Variants in CSMD3 observed in about 807,000 individuals in gnomAD.
CSMD3 encodes CUB and sushi domain-containing protein 3.
CSMD3 carries 177 observed loss-of-function variants against 435.2 expected under a neutral mutation model. The ratio of observed to expected loss-of-function variants is 0.41; its 90% confidence interval spans 0.36 to 0.46. CSMD3 has a LOEUF of 0.46. Ranked by LOEUF, CSMD3 falls within the 20% of genes least tolerant of loss-of-function variation. The pLI, the probability that CSMD3 is intolerant of heterozygous loss-of-function variation, is 0.34. For missense variants in CSMD3, 4,265 were observed against 4,504.6 expected (o/e 0.95, Z 1.52); for synonymous variants, 1,656 against 1,520.5 (o/e 1.09, Z -2.07).
intron 3 of CSMD3, among the ~76,000 whole-genome samples, chr8:113,261,638 T>A (rs1167739778): frequency 6.6e-6 from 1 of 152,094 alleles, no homozygotes; most frequent in African/African-American, 2.4e-5. Context: ...GGCAACATTG[T>A]GATTTCTGGG....
intron 10 of CSMD3, among the ~76,000 whole-genome samples, chr8:112,883,353 A>G (rs950433850): frequency 6.6e-6 from 1 of 152,024 alleles, no homozygotes; most frequent in African/African-American, 2.4e-5. Flanking sequence ...TGAAATTAAA[A>G]TAAGTAGGTT....
In CSMD3 at chr8:113,314,673, C is replaced by T. The variant is rs759210105; in HGVS notation, c.299G>A (p.Arg100Gln). Residue 100 changes from arginine (R) to glutamine (Q), a missense_variant, in exon 2 of 71, where the codon CGA (arginine) becomes CAA (glutamine). By Grantham distance (43) the Arg-to-Gln change is conservative (BLOSUM62 1). Around this residue, in one of 3 missense-constraint regions of CSMD3, gnomAD observed 731 missense variants for 755.4 expected, o/e 0.97. Coordinates refer to ENST00000297405, the MANE Select transcript of CSMD3 (RefSeq NM_198123.2). ...CTGAAAAACAATTTGTATTCTATTT[C>T]GTTCTTCTGCTATTATTACCCATGT... is the stretch of plus-strand genomic sequence containing the variant. The part of the protein sequence containing the change: ...NCTWVIIAEE[R>Q]NRIQIVFQSF... The T allele has an allele frequency of 1.2e-5, 19 of 1,610,952 alleles. No individual in the cohort carries two copies. Among genetic ancestry groups the T allele is most frequent in the Middle Eastern group, 1.7e-4 (1 of 6,044 alleles).
chr8:113,042,760 A>G (rs2087676421), intron 5 of CSMD3, among the ~76,000 whole-genome samples: 2 of 152,192 alleles, frequency 1.3e-5, no homozygotes, highest in Admixed American at 1.3e-4. Flanking sequence ...CTTTGGTTGC[A>G]TATAAAAGAA....
chr8:113,346,710 A>G (rs1382199212), intron 1 of CSMD3, among the ~76,000 whole-genome samples: 1 of 152,142 alleles, frequency 6.6e-6, no homozygotes, highest in Non-Finnish European at 1.5e-5. Flanking sequence ...AATATCTGAG[A>G]GAAATACACA....
At chr8:112,923,097 C>T (rs2082796784) in intron 9 of CSMD3, among the ~76,000 whole-genome samples, 1 of 152,076 alleles carries the variant, frequency 6.6e-6, no homozygotes, top group Non-Finnish European at 1.5e-5. Context: ...TAACATTTTT[C>T]AGCCCTACAG....
In CSMD3 at chr8:112,886,821, A is replaced by G. The variant is rs2081612072; in HGVS notation, c.1634-27555T>C. On this transcript the variant is annotated intron_variant, in intron 10 of 70. Transcript: ENST00000297405. ...CCTGTATACCTTAAATCATCTCTAG[A>G]ATACTTATATAATGACTGATACAAT... Among the ~76,000 whole-genome samples the G allele has an allele frequency of 2.0e-5, 3 of 151,640 alleles. No homozygotes were observed. The South Asian group carries it at 6.2e-4, about 31-fold the overall frequency.
At chr8:112,231,304 T>A (rs2129883875) in intron 69 of CSMD3, among the ~76,000 whole-genome samples, 1 of 152,350 alleles carries the variant, frequency 6.6e-6, no homozygotes, top group South Asian at 2.1e-4. Context: ...GGCAAGCCAG[T>A]TTGTCATATT....
chr8:113,365,635 TGTCA>T (rs2094306321), intron 1 of CSMD3, among the ~76,000 whole-genome samples: 1 of 152,082 alleles, frequency 6.6e-6, no homozygotes, highest in African/African-American at 2.4e-5. Context: ...GCTGAGCTGT[TGTCA>T]GTATCATACG....
intron 5 of CSMD3, among the ~76,000 whole-genome samples, chr8:113,058,654 T>C (rs1203709542): frequency 1.3e-5 from 2 of 151,984 alleles, no homozygotes; most frequent in African/African-American, 2.4e-5. Context: ...GGTACTTATA[T>C]TGCAATTTTT....
chr8:112,866,043 T>C (rs2080972487), intron 10 of CSMD3, among the ~76,000 whole-genome samples: 1 of 152,172 alleles, frequency 6.6e-6, no homozygotes, highest in African/African-American at 2.4e-5. Flanking sequence ...AACAAGCACG[T>C]CCTACTGCCT....
intron 13 of CSMD3, among the ~76,000 whole-genome samples, chr8:112,736,115 T>C (rs2077180816): frequency 6.6e-6 from 1 of 152,022 alleles, no homozygotes; most frequent in East Asian, 1.9e-4. Context: ...AAGTATAAAA[T>C]ATATGTAGAC....
intron 13 of CSMD3, among the ~76,000 whole-genome samples, chr8:112,699,550 A>G (rs2076340765): frequency 6.6e-6 from 1 of 152,184 alleles, no homozygotes; most frequent in South Asian, 2.1e-4. Context: ...ATAAGATATT[A>G]CCTCTCTGTG....
At chr8:113,007,797 T>C (rs1315288838) in intron 6 of CSMD3, among the ~76,000 whole-genome samples, 2 of 151,974 alleles carry the variant, frequency 1.3e-5, no homozygotes, top group East Asian at 3.9e-4. Flanking sequence ...TAAAATCTCA[T>C]ATGCATTTGT....
intron 32 of CSMD3, among the ~76,000 whole-genome samples, chr8:112,433,175 T>C (rs958475573): frequency 3.3e-5 from 5 of 152,102 alleles, no homozygotes; most frequent in African/African-American, 1.2e-4. Context: ...TAGAAATAAA[T>C]GTATACAGTA....
chr8:112,440,337 C>T (rs989011515), intron 32 of CSMD3, among the ~76,000 whole-genome samples: 17 of 152,124 alleles, frequency 1.1e-4, no homozygotes, highest in African/African-American at 3.9e-4. Context: ...GGTTGGATTC[C>T]CATATCCCTG....
intron 14 of CSMD3, among the ~76,000 whole-genome samples, chr8:112,688,423 G>C (rs2076059859): frequency 6.6e-6 from 1 of 151,982 alleles, no homozygotes; most frequent in Non-Finnish European, 1.5e-5. Context: ...ATCTACTCCT[G>C]CCTGTTTTAT....
At chr8:113,308,548 G>A (rs1011656153) in intron 2 of CSMD3, among the ~76,000 whole-genome samples, 1 of 152,028 alleles carries the variant, frequency 6.6e-6, no homozygotes, top group Non-Finnish European at 1.5e-5. Flanking sequence ...CATTACAGGC[G>A]TGAGCCACCG....
intron 32 of CSMD3, among the ~76,000 whole-genome samples, chr8:112,410,233 G>T (rs937600570): frequency 6.6e-6 from 1 of 151,562 alleles, no homozygotes; most frequent in African/African-American, 2.4e-5. Flanking sequence ...TCTTTGTGGA[G>T]TAAAAGAAAA....
At chr8:112,669,029 T>C (rs1006781904) in intron 16 of CSMD3, among the ~76,000 whole-genome samples, 1 of 151,822 alleles carries the variant, frequency 6.6e-6, no homozygotes, top group African/African-American at 2.4e-5. Context: ...ATTATTATTA[T>C]GTATTTATTC....
Sources: allele counts gnomAD v4.1 joint callset (sites outside exome capture counted in the v4.1 genomes callset), GRCh38; gene constraint gnomAD v4.1.1; regional missense constraint gnomAD v4.1.1; transcripts MANE v1.5; gene names NCBI Gene and HGNC (gene_info 2026-07-23, HGNC 2026-07-21).